EEF2K: variants seen among roughly 807,000 people sequenced by gnomAD.
EEF2K encodes eukaryotic elongation factor 2 kinase.
A neutral mutation model predicts 93.8 loss-of-function variants in EEF2K; 70 were observed. The observed-to-expected ratio is 0.75, with a 90% CI of 0.62 to 0.91. EEF2K has a LOEUF of 0.91. Among genes scored for constraint, EEF2K ranks in the 40% least tolerant of loss-of-function variants. The pLI is 0.00. For synonymous variants in EEF2K, 376 were observed against 380.8 expected (o/e 0.99, Z 0.15); for missense variants, 935 against 972.9 (o/e 0.96, Z 0.52).
In EEF2K at chr16:22,262,520, T is replaced by A. The variant is rs28625899; in HGVS notation, c.1300-590T>A. ...GCGAGACTCCATCTCAAAAAAAAAA[T>A]AAAAATGTGTGGTTTTGGTTGAGGG... On this transcript the variant is annotated intron_variant, in intron 11 of 17. Coordinates refer to ENST00000263026, the MANE Select transcript of EEF2K (RefSeq NM_013302.5). Among the ~76,000 whole-genome samples, 48 of 151,624 alleles carry A rather than the reference T, an allele frequency of 3.2e-4. 1 individual carries two copies. Among genetic ancestry groups the A allele is most frequent in the African/African-American group, 9.2e-4 (38 of 41,144 alleles).
intron 15 of EEF2K, among the ~76,000 whole-genome samples, chr16:22,270,332 C>A (rs1488878608): frequency 6.6e-6 from 1 of 151,854 alleles, no homozygotes; most frequent in Non-Finnish European, 1.5e-5. Flanking sequence ...ACCATGTTGG[C>A]CAGGCTGGTC....
At chr16:22,266,957 G>T in intron 15 of EEF2K, 81 bp downstream of exon 15, 3 of 1,492,228 alleles carry the variant, frequency 2.0e-6, no homozygotes, top group Non-Finnish European at 2.7e-6. Context: ...CATCCTGGAA[G>T]TCATGCATTC....
At chr16:22,281,651 G>A (rs781238669) in intron 17 of EEF2K, among the ~76,000 whole-genome samples, 45 of 152,098 alleles carry the variant, frequency 3.0e-4, no homozygotes, top group Non-Finnish European at 4.3e-4. Flanking sequence ...AGTCCTCCCC[G>A]AACCTAGCAG....
chr16:22,241,636 C>CAAA lies in EEF2K; in HGVS notation c.247-2970_247-2968dup, dbSNP rs71151666. ...CCTGGGTGACAGAGGGAGACTGTCT[C>CAAA]AAAAAAAAAAAAAAAAAAAAAAAAA... On this transcript the variant is annotated intron_variant, in intron 2 of 17. Coordinates refer to ENST00000263026, the MANE Select transcript of EEF2K (RefSeq NM_013302.5). 3.9e-4 allele frequency among the ~76,000 whole-genome samples: 19 copies of CAAA among 49,182 alleles called. 1 individual carries two copies. The highest frequency in any genetic ancestry group is 1.1e-3 in the African/African-American group (13 of 11,528). The allele number at this position is 49,182 out of a possible 152,430, so 32.3% of individuals were successfully genotyped here.
intron 2 of EEF2K, among the ~76,000 whole-genome samples, chr16:22,244,309 G>A (rs145410338): frequency 0.037 from 5,289 of 142,100 alleles, 138 homozygotes; most frequent in Non-Finnish European, 0.056. Flanking sequence ...GTGTGTGTGT[G>A]TATATCCTAT....
At position 22,278,415 on chromosome 16, in the gene EEF2K, A is replaced by C. The variant is rs575331452; in HGVS notation, c.1890-1783A>C. On this transcript the variant is annotated intron_variant, in intron 16 of 17. Coordinates refer to ENST00000263026, the MANE Select transcript of EEF2K (RefSeq NM_013302.5). ...GACACACGTTCCAACCAGAGCAAGG[A>C]GCCAGGTGCAGAAAGAGTTGGAGGA... Among the ~76,000 whole-genome samples the C allele has an allele frequency of 2.6e-5, 4 of 152,304 alleles. No individual in the cohort carries two copies. The South Asian group carries it at 8.3e-4, about 32-fold the overall frequency.
chr16:22,270,659 A>G (rs2047570144), intron 15 of EEF2K, among the ~76,000 whole-genome samples: 1 of 152,148 alleles, frequency 6.6e-6, no homozygotes. Flanking sequence ...TGATATCACA[A>G]AAATTGCTGT....
intron 16 of EEF2K, among the ~76,000 whole-genome samples, chr16:22,277,381 A>G (rs2047647708): frequency 6.6e-6 from 1 of 152,102 alleles, no homozygotes; most frequent in South Asian, 2.1e-4. Flanking sequence ...GAGATCCTCC[A>G]ACCTAGGCCT....
chr16:22,247,374 A>G (rs968736436), intron 3 of EEF2K, among the ~76,000 whole-genome samples: 2 of 150,938 alleles, frequency 1.3e-5, no homozygotes, highest in African/African-American at 4.9e-5. Context: ...CTTGAACCCA[A>G]GAAGCGGAGG....
chr16:22,271,734 G>C (rs1038102783), intron 15 of EEF2K, among the ~76,000 whole-genome samples: 2 of 151,852 alleles, frequency 1.3e-5, no homozygotes, highest in Non-Finnish European at 2.9e-5. Flanking sequence ...AATAATATGT[G>C]GTATATGGTT....
chr16:22,258,425 C>A (rs2047428851), intron 9 of EEF2K, 69 bp from the exon 10 acceptor site: 6 of 1,530,964 alleles, frequency 3.9e-6, no homozygotes, highest in South Asian at 1.2e-5. Flanking sequence ...TTAGAGGGAA[C>A]AACAGGAAGA....
At chr16:22,242,503 G>A (rs967078407) in intron 2 of EEF2K, among the ~76,000 whole-genome samples, 4 of 151,700 alleles carry the variant, frequency 2.6e-5, no homozygotes, top group African/African-American at 9.7e-5. Flanking sequence ...GTAGAGACGG[G>A]GTTTCACCAC....
chr16:22,217,128 TC>T (rs1255348989), intron 1 of EEF2K, among the ~76,000 whole-genome samples: 1 of 129,736 alleles, frequency 7.7e-6, no homozygotes, highest in Non-Finnish European at 1.5e-5. Context: ...GCCACTGGAC[TC>T]CAGCCTGGGT....
chr16:22,268,726 CG>C (rs2047548937), intron 15 of EEF2K, among the ~76,000 whole-genome samples: 1 of 151,796 alleles, frequency 6.6e-6, no homozygotes, highest in South Asian at 2.1e-4. Context: ...GAGATGGAGG[CG>C]GGTGGATCAC....
At chr16:22,213,878 C>T (rs546416637) in intron 1 of EEF2K, among the ~76,000 whole-genome samples, 1 of 152,294 alleles carries the variant, frequency 6.6e-6, no homozygotes, top group South Asian at 2.1e-4. Flanking sequence ...ACACTGGGCT[C>T]ACAGGATAAT....
intron 17 of EEF2K, among the ~76,000 whole-genome samples, chr16:22,281,662 C>T (rs1459429419): frequency 6.6e-6 from 1 of 152,180 alleles, no homozygotes; most frequent in African/African-American, 2.4e-5. Context: ...AACCTAGCAG[C>T]CACTATACTT....
rs375672467 is a variant in EEF2K at position 22,257,648 on chromosome 16, C to T, written c.907C>T (p.Arg303Cys). Residue 303 changes from arginine to cysteine, a missense_variant, in exon 9 of 18, where the codon CGC becomes TGC. Physicochemically the swap from Arg to Cys is radical, Grantham distance 180 (BLOSUM62 -3). Transcript: ENST00000263026. The part of the protein sequence containing the change: ...TDFGDGNLGV[R>C]GMALFFYSHA... ...CACCCCCGCTCTGTCCACAGGTGTCCGCGGGATGGCGCTCTTCTTCTACTC... is the reference window on the plus strand; with the variant it reads ...CACCCCCGCTCTGTCCACAGGTGTCTGCGGGATGGCGCTCTTCTTCTACTC... 1.2e-5 allele frequency: 20 copies of T among 1,612,966 alleles called. No homozygotes were observed. The highest frequency in any genetic ancestry group is 1.6e-4 in the Middle Eastern group (1 of 6,084).
Position 22,225,737 on chromosome 16 carries a change from A to C in EEF2K, c.8A>C (p.Asp3Ala), listed in dbSNP as rs764501820. 1.2e-5 allele frequency: 20 copies of C among 1,613,992 alleles called. No homozygotes were observed. The highest frequency in any genetic ancestry group is 1.7e-5 in the Non-Finnish European group (20 of 1,180,006). The change falls in exon 2 of 18, where the codon GAC (aspartate) becomes GCC (alanine). Residue 3 changes from aspartate to alanine, a missense_variant. Asp to Ala is a moderately radical substitution (Grantham distance 126). Coordinates refer to ENST00000263026, the MANE Select transcript of EEF2K (RefSeq NM_013302.5). ...AACGGGCACCCCAGGAACATGGCAG[A>C]CGAAGATCTCATCTTCCGCCTGGAA... is the stretch of plus-strand genomic sequence containing the variant. MA[D>A]EDLIFRLEGV...
intron 16 of EEF2K, among the ~76,000 whole-genome samples, chr16:22,277,744 A>T (rs971199276): frequency 1.1e-4 from 16 of 152,170 alleles, no homozygotes; most frequent in African/African-American, 3.6e-4. Context: ...AGGGATGATG[A>T]GTGTCTTAGC....
Sources: gnomAD v4.1 joint callset for allele counts (sites outside exome capture counted in the v4.1 genomes callset) on GRCh38, gnomAD v4.1.1 for gene constraint, MANE v1.5 for transcripts, NCBI Gene and HGNC (gene_info 2026-07-23, HGNC 2026-07-21) for gene names.